The following FOXN3 variants were observed in gnomAD, a reference collection of about 807,000 sequenced individuals.
The protein encoded by FOXN3 is forkhead box protein N3.
In FOXN3, 7 loss-of-function variants were observed where a neutral mutation model predicts 38.4. The observed-to-expected ratio is 0.18, with a 90% confidence interval of 0.10 to 0.34. FOXN3 has a LOEUF of 0.34. Among genes scored for constraint, FOXN3 ranks in the 10% least tolerant of loss-of-function variants. The pLI is 1.00. For missense variants in FOXN3, 456 were observed against 613.4 expected (o/e 0.74, Z 2.71); for synonymous variants, 230 against 242.2 (o/e 0.95, Z 0.47).
At chr14:89,536,917 AG>A (rs1894701114) in intron 1 of FOXN3, among the ~76,000 whole-genome samples, 1 of 152,236 alleles carries the variant, frequency 6.6e-6, no homozygotes, top group Non-Finnish European at 1.5e-5. Context: ...GAAATTATAA[AG>A]AAGTATAAAA....
chr14:89,579,327 GT>G (rs373103616), intron 1 of FOXN3, among the ~76,000 whole-genome samples: 1 of 145,788 alleles, frequency 6.9e-6, no homozygotes, highest in Non-Finnish European at 1.5e-5. Flanking sequence ...ATTTATTTAT[GT>G]TTTTTTTTGT....
intron 3 of FOXN3, among the ~76,000 whole-genome samples, chr14:89,295,762 A>ATTTTTTTTTTTTTTTTTTTTTTTTTTT (rs1032063820): frequency 8.1e-6 from 1 of 123,224 alleles, no homozygotes; most frequent in Non-Finnish European, 1.7e-5. Context: ...TAATTTTTGC[A>ATTTTTTTTTTTTTTTTTTTTTTTTTTT]TTTTTTTTTT....
intron 1 of FOXN3, among the ~76,000 whole-genome samples, chr14:89,541,891 C>T (rs1447219873): frequency 6.6e-6 from 1 of 152,030 alleles, no homozygotes; most frequent in African/African-American, 2.4e-5. Flanking sequence ...TACAAAAGGT[C>T]CCTTGCATCA....
At chr14:89,575,482 C>T (rs1044392805) in intron 1 of FOXN3, among the ~76,000 whole-genome samples, 1 of 152,164 alleles carries the variant, frequency 6.6e-6, no homozygotes, top group South Asian at 2.1e-4. Flanking sequence ...TTACCAAAGG[C>T]AGGTCCTCTC....
chr14:89,411,366 A>C (rs1020281708), intron 2 of FOXN3, among the ~76,000 whole-genome samples: 1 of 152,216 alleles, frequency 6.6e-6, no homozygotes, highest in African/African-American at 2.4e-5. Context: ...TCACTTATAC[A>C]GACACCAGAT....
chr14:89,457,727 A>T (rs1417532448), intron 1 of FOXN3, among the ~76,000 whole-genome samples: 1 of 152,162 alleles, frequency 6.6e-6, no homozygotes, highest in African/African-American at 2.4e-5. Flanking sequence ...AGAAGTGAGC[A>T]TGGAGCCGGG....
rs1943141153 is a variant in FOXN3 at position 89,163,238 on chromosome 14, A to G, written c.852-269T>C. On this transcript the variant is annotated intron_variant, in intron 5 of 5. Transcript: ENST00000557258. The surrounding 1 kb of genome is among the most constrained non-coding windows in gnomAD (Gnocchi z 4.3). ...GAGACGTCAAAACAACAATCTTCTGAAGCGACAGTGGTGGAGGCTCCATCT... is the reference window on the plus strand; with the variant it reads ...GAGACGTCAAAACAACAATCTTCTGGAGCGACAGTGGTGGAGGCTCCATCT... Among the ~76,000 whole-genome samples the G allele has an allele frequency of 6.6e-6, 1 of 152,212 alleles. No homozygotes were observed. Among genetic ancestry groups the G allele is most frequent in the African/African-American group, 2.4e-5 (1 of 41,450 alleles).
At chr14:89,435,172 C>G (rs1892251464) in intron 1 of FOXN3, among the ~76,000 whole-genome samples, 1 of 152,012 alleles carries the variant, frequency 6.6e-6, no homozygotes, top group Non-Finnish European at 1.5e-5. Flanking sequence ...TGCTTGAACC[C>G]AGGAGTTAGA....
chr14:89,292,318 T>C (rs1041515978), intron 3 of FOXN3, among the ~76,000 whole-genome samples: 5 of 152,292 alleles, frequency 3.3e-5, no homozygotes, highest in Admixed American at 2.0e-4. Context: ...GCTCCCATTA[T>C]TCTTTCCTGC....
intron 1 of FOXN3, among the ~76,000 whole-genome samples, chr14:89,578,346 G>A (rs556951201): frequency 2.9e-4 from 44 of 152,132 alleles, no homozygotes; most frequent in African/African-American, 9.6e-4. Context: ...ACATTTTAGT[G>A]CTCAGGACTC....
In FOXN3 at chr14:89,520,518, A is replaced by G. The variant is rs371509321; in HGVS notation, c.-15+98510T>C. 1.7e-3 allele frequency among the ~76,000 whole-genome samples: 261 copies of G among 152,302 alleles called. 2 individuals carry two copies. Among genetic ancestry groups the G allele is most frequent in the African/African-American group, 6.1e-3 (254 of 41,554 alleles). ...AGGGAGTCTGAGAGTGGAAAGCCCC[A>G]AGTTTTGTGTAAAAACTGCTGAAAT... On this transcript the variant is annotated intron_variant, in intron 1 of 6. Coordinates refer to the FOXN3 transcript ENST00000345097.
At chr14:89,520,026 TTTTTTGAGACAGGG>T (rs1376488541) in intron 1 of FOXN3, among the ~76,000 whole-genome samples, 5 of 150,634 alleles carry the variant, frequency 3.3e-5, no homozygotes, top group African/African-American at 1.2e-4. Context: ...TCTTTTTTTT[TTTTTTGAGACAGGG>T]TCTTGCTCTG....
At chr14:89,180,224 T>C (rs549311327) in intron 5 of FOXN3, among the ~76,000 whole-genome samples, 1 of 152,258 alleles carries the variant, frequency 6.6e-6, no homozygotes, top group African/African-American at 2.4e-5. Flanking sequence ...CCACCTGCTA[T>C]TTATAGACCA....
chr14:89,363,969 T>TATATATATA (rs1890027099), intron 2 of FOXN3, among the ~76,000 whole-genome samples: 1 of 95,034 alleles, frequency 1.1e-5, no homozygotes, highest in Non-Finnish European at 2.2e-5. Context: ...TATATATATA[T>TATATATATA]ATATATATAT....
chr14:89,487,636 A>G (rs1274785560), intron 1 of FOXN3, among the ~76,000 whole-genome samples: 1 of 152,230 alleles, frequency 6.6e-6, no homozygotes, highest in Non-Finnish European at 1.5e-5. Context: ...TTAAGCTCCT[A>G]TAAGGACAAA....
At chr14:89,457,735 G>C (rs540176651) in intron 1 of FOXN3, among the ~76,000 whole-genome samples, 1 of 152,082 alleles carries the variant, frequency 6.6e-6, no homozygotes, top group Non-Finnish European at 1.5e-5. Flanking sequence ...GCATGGAGCC[G>C]GGCGCGGTGG....
At chr14:89,470,595 T>C (rs1893074040) in intron 1 of FOXN3, among the ~76,000 whole-genome samples, 2 of 152,242 alleles carry the variant, frequency 1.3e-5, no homozygotes, top group Admixed American at 1.3e-4. Context: ...AGATATTTTT[T>C]ATTCCTACCC....
At chr14:89,399,670 A>C (rs763657484) in intron 2 of FOXN3, among the ~76,000 whole-genome samples, 1 of 152,124 alleles carries the variant, frequency 6.6e-6, no homozygotes, top group Non-Finnish European at 1.5e-5. Context: ...CTTTTGTCTG[A>C]TTTATTACAG....
intron 1 of FOXN3, among the ~76,000 whole-genome samples, chr14:89,448,725 G>A (rs534073738): frequency 8.5e-5 from 13 of 152,082 alleles, no homozygotes; most frequent in African/African-American, 3.1e-4. Flanking sequence ...GGTGGCTTGA[G>A]CCCAGGAGTT....
Sources: gnomAD v4.1 joint callset for allele counts (sites outside exome capture counted in the v4.1 genomes callset) on GRCh38, gnomAD v4.1.1 for gene constraint, Gnocchi (gnomAD v3.1) non-coding constraint, MANE v1.5 for transcripts, NCBI Gene and HGNC (gene_info 2026-07-23, HGNC 2026-07-21) for gene names.